TP53BP1: variants seen among roughly 807,000 people sequenced by gnomAD.
TP53BP1 encodes tumor protein p53 binding protein 1, also known as TP53-binding protein 1.
A neutral mutation model predicts 200.8 loss-of-function variants in TP53BP1; 61 were observed. The ratio of observed to expected loss-of-function variants is 0.30; its 90% confidence interval spans 0.25 to 0.38. TP53BP1 has a LOEUF of 0.38. Ranked by LOEUF, TP53BP1 falls within the 10% of genes least tolerant of loss-of-function variation. The pLI, the probability that TP53BP1 is intolerant of heterozygous loss-of-function variation, is 1.00. For missense variants in TP53BP1, 2,144 were observed against 2,371.9 expected (o/e 0.90, Z 2.00); for synonymous variants, 822 against 844.3 (o/e 0.97, Z 0.46).
chr15:43,426,120 G>T (rs1005081080), intron 18 of TP53BP1, among the ~76,000 whole-genome samples: 7 of 149,562 alleles, frequency 4.7e-5, no homozygotes, highest in Non-Finnish European at 8.9e-5. Flanking sequence ...TATTTTAAAA[G>T]AATTATTTCT....
At chr15:43,471,576 G>A (rs1364685582) in intron 10 of TP53BP1, among the ~76,000 whole-genome samples, 2 of 151,874 alleles carry the variant, frequency 1.3e-5, no homozygotes, top group East Asian at 1.9e-4. Flanking sequence ...ACAGGCACCC[G>A]CCACCACACC....
intron 18 of TP53BP1, among the ~76,000 whole-genome samples, chr15:43,424,528 T>G (rs1217431072): frequency 2.6e-5 from 4 of 152,260 alleles, no homozygotes; most frequent in Non-Finnish European, 5.9e-5. Flanking sequence ...AATAATTCAC[T>G]AAAGTGCTTA....
intron 11 of TP53BP1, among the ~76,000 whole-genome samples, chr15:43,465,878 C>T (rs1331547000): frequency 6.6e-6 from 1 of 152,138 alleles, no homozygotes; most frequent in African/African-American, 2.4e-5. Context: ...TGGTCTCAAA[C>T]TCCTGGCTTC....
intron 16 of TP53BP1, among the ~76,000 whole-genome samples, chr15:43,434,761 G>GC (rs1298493783): frequency 3.9e-5 from 6 of 152,184 alleles, no homozygotes; most frequent in Non-Finnish European, 4.4e-5. Context: ...AAGCTATCTA[G>GC]CCTATGGCAG....
chr15:43,417,481 A>T (rs963484931), intron 21 of TP53BP1, among the ~76,000 whole-genome samples: 5 of 152,248 alleles, frequency 3.3e-5, no homozygotes, highest in African/African-American at 1.2e-4. Flanking sequence ...AACACAAAGA[A>T]GCCCAAGGCC....
intron 11 of TP53BP1, among the ~76,000 whole-genome samples, chr15:43,464,532 A>G (rs1392719521): frequency 1.3e-5 from 2 of 152,192 alleles, no homozygotes. Context: ...CCAAAAGGGG[A>G]AACAACCCAA....
chr15:43,460,515 T>C (rs1302352920), intron 11 of TP53BP1, among the ~76,000 whole-genome samples: 5 of 152,092 alleles, frequency 3.3e-5, no homozygotes, highest in African/African-American at 1.2e-4. Context: ...CAGCTTAGCC[T>C]CCCAAACTGC....
At position 43,446,401 on chromosome 15, in the gene TP53BP1, T is replaced by C. The variant is rs374254249; in HGVS notation, c.3026A>G (p.Gln1009Arg). 6.7e-5 allele frequency: 108 copies of C among 1,613,946 alleles called. No individual in the cohort carries two copies. Among genetic ancestry groups the C allele is most frequent in the Non-Finnish European group, 8.6e-5 (101 of 1,179,944 alleles). The change falls in exon 14 of 28, where the codon CAG becomes CGG. Residue 1009 changes from glutamine to arginine, a missense_variant. Gln to Arg is a conservative substitution (Grantham distance 43). Around this residue, in one of 4 missense-constraint regions of TP53BP1, gnomAD observed 1,700 missense variants for 1,710.3 expected, o/e 0.99. Transcript: ENST00000382044. ...ATAAAACTTACTTTCCAGGTTGAAC[T>C]GCAAAGACTCTTCACTCGCCTCAGT... is the stretch of plus-strand genomic sequence containing the variant. Reference protein sequence around the residue: ...PETEASEESLQFNLEKPATGE... With the variant: ...PETEASEESLRFNLEKPATGE...
intron 11 of TP53BP1, among the ~76,000 whole-genome samples, chr15:43,460,751 A>G (rs2140060175): frequency 6.6e-6 from 1 of 152,224 alleles, no homozygotes; most frequent in East Asian, 1.9e-4. Flanking sequence ...AGCCAGATGC[A>G]GTGGCTCTAA....
At chr15:43,436,651 C>CT (rs1187053095) in intron 16 of TP53BP1, among the ~76,000 whole-genome samples, 1 of 144,766 alleles carries the variant, frequency 6.9e-6, no homozygotes, top group Non-Finnish European at 1.5e-5. Flanking sequence ...TTTTTTTTTT[C>CT]TTTTTTTTCT....
chr15:43,482,410 C>A (rs764670232), intron 4 of TP53BP1, among the ~76,000 whole-genome samples: 11 of 152,172 alleles, frequency 7.2e-5, no homozygotes, highest in Non-Finnish European at 1.2e-4. Context: ...CCGAAGTGGG[C>A]GGATCATTTA....
At chr15:43,467,732 T>C (rs2046620504) in intron 11 of TP53BP1, among the ~76,000 whole-genome samples, 1 of 152,058 alleles carries the variant, frequency 6.6e-6, no homozygotes, top group Non-Finnish European at 1.5e-5. Flanking sequence ...TTTAAATCAG[T>C]GTTGGAAGAA....
chr15:43,432,674 C>A lies in TP53BP1; in HGVS notation c.3195G>T (p.Gly1065=). ...GAGAACTTGGAAAGTGGAGCAAGTT[C>A]CCCCTGAAAATGCAACATATAAAGA... ...SEDPPTTPIR[G]NLLHFPSSQG... Residue 1065 remains glycine (G), a synonymous_variant, in exon 17 of 28, where the codon GGG becomes GGT. Coordinates refer to ENST00000382044, the MANE Select transcript of TP53BP1 (RefSeq NM_001141980.3). 6.3e-7 allele frequency: 1 copy of A among 1,599,180 alleles called. No homozygotes were observed. Among genetic ancestry groups the A allele is most frequent in the Non-Finnish European group, 8.5e-7 (1 of 1,171,690 alleles).
At position 43,440,307 on chromosome 15, in the gene TP53BP1, C is replaced by T. The variant is rs188882745; in HGVS notation, c.3098+1219G>A. 5.9e-5 allele frequency among the ~76,000 whole-genome samples: 9 copies of T among 151,850 alleles called. No individual in the cohort carries two copies. The East Asian group carries it at 1.7e-3, about 29-fold the overall frequency. ...CGGGCGGATCACGAGGTCAGGAGAT[C>T]GAGACCATCCTGGCTAACACGGTGA... On this transcript the variant is annotated intron_variant, in intron 15 of 27. Coordinates refer to ENST00000382044, the MANE Select transcript of TP53BP1 (RefSeq NM_001141980.3).
intron 1 of TP53BP1, among the ~76,000 whole-genome samples, chr15:43,506,379 G>C (rs2079236984): frequency 6.6e-6 from 1 of 152,088 alleles, no homozygotes; most frequent in Non-Finnish European, 1.5e-5. Flanking sequence ...GAAGGCCTGG[G>C]GGTTGAGAAT....
intron 19 of TP53BP1, 93 bp downstream of exon 19, chr15:43,421,762 G>T: frequency 6.7e-7 from 1 of 1,492,798 alleles, no homozygotes. Flanking sequence ...GGAGGATGGG[G>T]GATTTCCCAT....
intron 18 of TP53BP1, among the ~76,000 whole-genome samples, chr15:43,423,184 T>C (rs2584726): frequency 0.28 from 40,962 of 147,312 alleles, 9,718 homozygotes; most frequent in African/African-American, 0.65. Flanking sequence ...ATCCCAGACT[T>C]AGTGGGAAAA....
chr15:43,505,217 A>G (rs2079229975), intron 1 of TP53BP1, among the ~76,000 whole-genome samples: 1 of 152,198 alleles, frequency 6.6e-6, no homozygotes, highest in African/African-American at 2.4e-5. Flanking sequence ...TTGAAAGGAA[A>G]TAACTCCATT....
intron 22 of TP53BP1, 91 bp downstream of exon 22, chr15:43,416,130 AAGTT>A: frequency 8.4e-7 from 1 of 1,184,534 alleles, no homozygotes; most frequent in South Asian, 1.5e-5. Context: ...GGAATAATAA[AAGTT>A]AGGGAAACAT....
Sources: gnomAD v4.1 joint callset for allele counts (sites outside exome capture counted in the v4.1 genomes callset) on GRCh38, gnomAD v4.1.1 for gene constraint, gnomAD v4.1.1 regional missense constraint, MANE v1.5 for transcripts, NCBI Gene and HGNC (gene_info 2026-07-23, HGNC 2026-07-21) for gene names.